The following UBE2E2 variants were observed in gnomAD, a reference collection of about 807,000 sequenced individuals.
UBE2E2 encodes the protein ubiquitin-conjugating enzyme E2 E2.
A neutral mutation model predicts 24.7 loss-of-function variants in UBE2E2; 6 were observed. That is an observed-to-expected ratio of 0.24 (90% CI 0.13 to 0.48). UBE2E2 has a LOEUF of 0.48. Ranked by LOEUF, UBE2E2 falls within the 20% of genes least tolerant of loss-of-function variation. The probability of loss-of-function intolerance (pLI) is 0.99; values close to 1 mark genes in which losing one functional copy is unlikely to be tolerated. For missense variants in UBE2E2, 169 were observed against 245.0 expected, an observed-to-expected ratio of 0.69 and a Z score of 2.07; for synonymous variants, 104 against 83.6, an observed-to-expected ratio of 1.24 and a Z score of -1.33.
intron 3 of UBE2E2, among the ~76,000 whole-genome samples, chr3:23,414,836 G>A (rs1299646702): frequency 6.6e-6 from 1 of 152,186 alleles, no homozygotes; most frequent in East Asian, 1.9e-4. Context: ...GGTGCCATCT[G>A]TGAGGAACAG....
chr3:23,410,199 G>C (rs1386458566), intron 3 of UBE2E2, among the ~76,000 whole-genome samples: 1 of 152,296 alleles, frequency 6.6e-6, no homozygotes, highest in East Asian at 1.9e-4. Flanking sequence ...GAATTTAAAA[G>C]TGTCTGTCAA....
intron 5 of UBE2E2, among the ~76,000 whole-genome samples, chr3:23,577,643 G>T (rs933985824): frequency 2.0e-5 from 3 of 152,222 alleles, no homozygotes; most frequent in African/African-American, 4.8e-5. Flanking sequence ...ACAGCAAGTT[G>T]TCCAGAAGAT....
intron 3 of UBE2E2, among the ~76,000 whole-genome samples, chr3:23,235,250 G>T (rs1161923458): frequency 6.6e-6 from 1 of 152,186 alleles, no homozygotes; most frequent in African/African-American, 2.4e-5. Context: ...GAGTTTTAGT[G>T]TGGGGTTCTA....
At chr3:23,491,254 A>G (rs1699488613) in intron 3 of UBE2E2, among the ~76,000 whole-genome samples, 1 of 152,216 alleles carries the variant, frequency 6.6e-6, no homozygotes, top group Non-Finnish European at 1.5e-5. Context: ...ACACTACAGT[A>G]CTGGCCTGTT....
At chr3:23,530,500 A>G (rs905432498) in intron 4 of UBE2E2, among the ~76,000 whole-genome samples, 3 of 152,218 alleles carry the variant, frequency 2.0e-5, no homozygotes, top group Non-Finnish European at 4.4e-5. Context: ...GTTTCTAACA[A>G]TGCTTTTTCC....
chr3:23,430,201 T>C (rs561709980), intron 3 of UBE2E2, among the ~76,000 whole-genome samples: 2 of 152,216 alleles, frequency 1.3e-5, no homozygotes, highest in African/African-American at 4.8e-5. Flanking sequence ...TTGGATCTTA[T>C]CTCTGCCACC....
At position 23,425,331 on chromosome 3, in the gene UBE2E2, C is replaced by T. The variant is rs562654626; in HGVS notation, c.228-74277C>T. 5.3e-5 allele frequency among the ~76,000 whole-genome samples: 8 copies of T among 152,250 alleles called. No individual in the cohort carries two copies. The South Asian group carries it at 1.7e-3, about 32-fold the overall frequency. On this transcript the variant is annotated intron_variant, in intron 3 of 5. Coordinates refer to ENST00000396703, the MANE Select transcript of UBE2E2 (RefSeq NM_152653.4). ...TGGACAAATCATTTAACTTTCTTCT[C>T]TTCCTGCTCTCTTGTCTTTTAAAGG...
chr3:23,420,990 C>A (rs1039913956), intron 3 of UBE2E2, among the ~76,000 whole-genome samples: 5 of 152,152 alleles, frequency 3.3e-5, no homozygotes, highest in African/African-American at 7.2e-5. Flanking sequence ...ACTCTCAAAT[C>A]ATAAAAACGA....
chr3:23,547,573 A>T (rs1695551326), intron 5 of UBE2E2, among the ~76,000 whole-genome samples: 1 of 152,206 alleles, frequency 6.6e-6, no homozygotes, highest in South Asian at 2.1e-4. Flanking sequence ...AGTGAAATTT[A>T]TTGTCAGAAA....
At chr3:23,313,054 C>G (rs529687231) in intron 3 of UBE2E2, among the ~76,000 whole-genome samples, 1 of 152,168 alleles carries the variant, frequency 6.6e-6, no homozygotes, top group African/African-American at 2.4e-5. Flanking sequence ...CTGAGGAGTA[C>G]ACAGCGTATT....
chr3:23,384,888 T>A (rs1696769208), intron 3 of UBE2E2, among the ~76,000 whole-genome samples: 1 of 152,142 alleles, frequency 6.6e-6, no homozygotes, highest in Non-Finnish European at 1.5e-5. Flanking sequence ...TCTGTCTTAG[T>A]GTAATTTAGA....
At chr3:23,525,010 A>T (rs141055745) in intron 4 of UBE2E2, among the ~76,000 whole-genome samples, 1 of 152,136 alleles carries the variant, frequency 6.6e-6, no homozygotes, top group East Asian at 1.9e-4. Context: ...AAATCAAGGT[A>T]TTAGCATGGC....
chr3:23,261,559 T>G (rs1282367458), intron 3 of UBE2E2, among the ~76,000 whole-genome samples: 1 of 152,178 alleles, frequency 6.6e-6, no homozygotes, highest in Non-Finnish European at 1.5e-5. Context: ...TGCTGTACAT[T>G]AGATTTCCAG....
rs540593830 is a variant in UBE2E2 at position 23,568,120 on chromosome 3, A to C, written c.509-21614A>C. 2.0e-5 allele frequency among the ~76,000 whole-genome samples: 3 copies of C among 152,326 alleles called. No individual in the cohort carries two copies. The South Asian group carries it at 6.2e-4, about 32-fold the overall frequency. On this transcript the variant is annotated intron_variant, in intron 5 of 5. Coordinates refer to ENST00000396703, the MANE Select transcript of UBE2E2 (RefSeq NM_152653.4). ...TTTTTCCACAGTCAAAGGCAGGCAG[A>C]ATGGTCTATAAACTGAAACCACTGG... is the stretch of plus-strand genomic sequence containing the variant.
intron 3 of UBE2E2, among the ~76,000 whole-genome samples, chr3:23,374,135 A>T (rs893578089): frequency 2.0e-5 from 3 of 152,182 alleles, no homozygotes; most frequent in Non-Finnish European, 4.4e-5. Context: ...GAATACTTAA[A>T]CGTTTCAATT....
At position 23,393,883 on chromosome 3, in the gene UBE2E2, A is replaced by G. The variant is rs1400907285; in HGVS notation, c.228-105725A>G. On this transcript the variant is annotated intron_variant, in intron 3 of 5. Transcript: ENST00000396703. ...GGGACACATTTGCACTTACTCACTT[A>G]CATATTGCCTACATCTGCTTTTGTA... Among the ~76,000 whole-genome samples the G allele has an allele frequency of 2.6e-5, 4 of 152,360 alleles. No individual in the cohort carries two copies. The East Asian group carries it at 7.7e-4, about 29-fold the overall frequency.
intron 3 of UBE2E2, among the ~76,000 whole-genome samples, chr3:23,452,384 G>C (rs1291241123): frequency 3.9e-5 from 6 of 151,984 alleles, no homozygotes; most frequent in Non-Finnish European, 8.8e-5. Flanking sequence ...TGAACCAGCT[G>C]ACAGTCCTCC....
At chr3:23,501,891 G>T (rs1251172253) in intron 4 of UBE2E2, among the ~76,000 whole-genome samples, 3 of 151,608 alleles carry the variant, frequency 2.0e-5, no homozygotes, top group African/African-American at 4.8e-5. Context: ...TAATGAATTG[G>T]ACCAGACAAT....
intron 3 of UBE2E2, among the ~76,000 whole-genome samples, chr3:23,414,751 A>G (rs796397760): frequency 2.6e-5 from 4 of 152,310 alleles, no homozygotes; most frequent in African/African-American, 9.6e-5. Context: ...TGGAGCTGTG[A>G]TAAGTGGGAT....
Sources: gnomAD v4.1 joint callset for allele counts (sites outside exome capture counted in the v4.1 genomes callset) on GRCh38, gnomAD v4.1.1 for gene constraint, MANE v1.5 for transcripts, NCBI Gene and HGNC (gene_info 2026-07-23, HGNC 2026-07-21) for gene names.